Variants in DCHS2 observed in about 807,000 individuals in gnomAD.
The protein encoded by DCHS2 is dachsous cadherin-related 2, also known as protocadherin-23.
In DCHS2, 142 loss-of-function variants were observed where a neutral mutation model predicts 182.4. The ratio of observed to expected loss-of-function variants is 0.78; its 90% CI spans 0.68 to 0.89. The LOEUF (loss-of-function observed/expected upper bound fraction) is 0.89. DCHS2 is among the 40% of genes least tolerant of loss of function. DCHS2 has a pLI of 0.00. For synonymous variants in DCHS2, 1,740 were observed against 1,663.3 expected, an observed-to-expected ratio of 1.05 and a Z score of -1.12; for missense variants, 4,319 against 4,198.6, an observed-to-expected ratio of 1.03 and a Z score of -0.79.
intron 1 of DCHS2, among the ~76,000 whole-genome samples, chr4:154,462,025 G>C (rs1735027975): frequency 6.6e-6 from 1 of 152,050 alleles, no homozygotes; most frequent in Admixed American, 6.6e-5. Context: ...AGGAAGGAAA[G>C]GGACAGAAAC....
At position 154,307,158 on chromosome 4, in the gene DCHS2, T is replaced by G. The variant is rs72723319; in HGVS notation, c.5261-1927A>C. Among the ~76,000 whole-genome samples the G allele has an allele frequency of 1.7e-3, 255 of 152,312 alleles. 1 individual carries two copies. The highest frequency in any genetic ancestry group is 2.8e-3 in the Non-Finnish European group (191 of 68,028). On this transcript the variant is annotated intron_variant, in intron 10 of 19. Transcript: ENST00000357232. The stretch of plus-strand genomic sequence containing the variant: ...TACTATGGCTTATTTGGAATTTAAC[T>G]AGTGCCTTGCACCTTACACCCTTAC...
At chr4:154,355,076 C>A (rs753043130) in intron 3 of DCHS2, among the ~76,000 whole-genome samples, 28 of 152,016 alleles carry the variant, frequency 1.8e-4, no homozygotes, top group Non-Finnish European at 2.6e-4. Context: ...GTGACTCCAT[C>A]TTGAATAGGG....
chr4:154,459,248 G>A (rs928778679), intron 1 of DCHS2, among the ~76,000 whole-genome samples: 1 of 152,086 alleles, frequency 6.6e-6, no homozygotes, highest in Non-Finnish European at 1.5e-5. Context: ...CCTGAAGGTA[G>A]AGTGTATTTG....
chr4:154,344,305 G>A (rs1729254794), intron 3 of DCHS2, among the ~76,000 whole-genome samples: 1 of 152,194 alleles, frequency 6.6e-6, no homozygotes, highest in African/African-American at 2.4e-5. Context: ...TGCTTGAGGA[G>A]AGTTGCCACA....
chr4:154,440,877 A>G (rs559964025), intron 1 of DCHS2, among the ~76,000 whole-genome samples: 2 of 152,352 alleles, frequency 1.3e-5, no homozygotes, highest in African/African-American at 4.8e-5. Context: ...TTTCAGTTTC[A>G]CCAAATAATG....
At position 154,325,191 on chromosome 4, in the gene DCHS2, T is replaced by C. The variant is rs1736229790; in HGVS notation, c.4019-2703A>G. ...GCTCCAAATCTCATTCCCCTCCTTT[T>C]TCCCCGTAGAAAGTCACTTTTATAA... On this transcript the variant is annotated intron_variant, in intron 7 of 19. Coordinates refer to ENST00000357232, the MANE Select transcript of DCHS2 (RefSeq NM_001358235.2). Among the ~76,000 whole-genome samples, 4 of 152,098 alleles carry C rather than the reference T, an allele frequency of 2.6e-5. No homozygotes were observed. The South Asian group carries it at 8.3e-4, about 31-fold the overall frequency.
chr4:154,424,411 C>T (rs1733238540), intron 1 of DCHS2, among the ~76,000 whole-genome samples: 1 of 151,954 alleles, frequency 6.6e-6, no homozygotes, highest in Non-Finnish European at 1.5e-5. Flanking sequence ...TTAGAAGGAG[C>T]AAAAGAAAAT....
At chr4:154,413,090 T>G (rs1732696655) in intron 1 of DCHS2, among the ~76,000 whole-genome samples, 2 of 152,232 alleles carry the variant, frequency 1.3e-5, no homozygotes, top group African/African-American at 4.8e-5. Flanking sequence ...ATTACAAGTC[T>G]GATTCTGAAA....
intron 1 of DCHS2, among the ~76,000 whole-genome samples, chr4:154,487,746 A>C (rs1728639751): frequency 6.6e-6 from 1 of 152,230 alleles, no homozygotes; most frequent in African/African-American, 2.4e-5. Context: ...AAACATCTTA[A>C]AACAACCCAG....
At chr4:154,239,611 C>T (rs1411391275) in intron 18 of DCHS2, among the ~76,000 whole-genome samples, 3 of 152,208 alleles carry the variant, frequency 2.0e-5, no homozygotes, top group East Asian at 1.9e-4. Context: ...TGGGTTCAAG[C>T]GATTCTCCTG....
intron 16 of DCHS2, among the ~76,000 whole-genome samples, chr4:154,249,391 C>A (rs971849964): frequency 6.6e-6 from 1 of 151,886 alleles, no homozygotes; most frequent in African/African-American, 2.4e-5. Context: ...AGATACCAGT[C>A]AGAATGGCTA....
intron 7 of DCHS2, among the ~76,000 whole-genome samples, chr4:154,324,334 T>C (rs1307573108): frequency 6.6e-6 from 1 of 152,200 alleles, no homozygotes; most frequent in African/African-American, 2.4e-5. Context: ...TATGACAAAA[T>C]GGTGCAGACT....
intron 1 of DCHS2, among the ~76,000 whole-genome samples, chr4:154,417,307 G>A (rs1732908642): frequency 6.6e-6 from 1 of 150,722 alleles, no homozygotes; most frequent in Admixed American, 6.6e-5. Context: ...ACTCCCAAGT[G>A]CACTGTGAGC....
At chr4:154,351,952 T>C (rs916756094) in intron 3 of DCHS2, among the ~76,000 whole-genome samples, 3 of 152,086 alleles carry the variant, frequency 2.0e-5, no homozygotes, top group African/African-American at 7.2e-5. Context: ...TTTTGCTATT[T>C]CTATGAATTA....
chr4:154,308,507 T>C (rs1376215549), intron 10 of DCHS2, among the ~76,000 whole-genome samples: 2 of 152,168 alleles, frequency 1.3e-5, no homozygotes, highest in Non-Finnish European at 2.9e-5. Context: ...TATTCATTCA[T>C]GTGTTCATTT....
At chr4:154,334,797 G>C (rs1249172331) in intron 4 of DCHS2, 71 bp downstream of exon 4, 3 of 1,231,836 alleles carry the variant, frequency 2.4e-6, no homozygotes, top group Non-Finnish European at 3.5e-6. Flanking sequence ...ATTCAAGATT[G>C]TACCGCCTAC....
chr4:154,434,158 G>A (rs555827990), intron 1 of DCHS2, among the ~76,000 whole-genome samples: 2 of 152,342 alleles, frequency 1.3e-5, no homozygotes, highest in South Asian at 2.1e-4. Flanking sequence ...AATGGGCTGG[G>A]CATGATGGCT....
intron 13 of DCHS2, among the ~76,000 whole-genome samples, chr4:154,287,486 T>G (rs1177845775): frequency 6.6e-6 from 1 of 152,148 alleles, no homozygotes; most frequent in Non-Finnish European, 1.5e-5. Flanking sequence ...TATAGTCTTC[T>G]TTAAAAATTT....
chr4:154,273,800 C>G (rs1269413661), intron 13 of DCHS2, among the ~76,000 whole-genome samples: 1 of 148,616 alleles, frequency 6.7e-6, no homozygotes, highest in African/African-American at 2.5e-5. Flanking sequence ...GTGCTTCTTA[C>G]TTAACTGTCA....
Sources: gnomAD v4.1 joint callset for allele counts (sites outside exome capture counted in the v4.1 genomes callset) on GRCh38, gnomAD v4.1.1 for gene constraint, MANE v1.5 for transcripts, NCBI Gene and HGNC (gene_info 2026-07-23, HGNC 2026-07-21) for gene names.